Variants in LPIN1 observed in about 807,000 individuals in gnomAD.
LPIN1 encodes the protein lipin 1.
Under a neutral mutation model 107.5 loss-of-function variants are expected in LPIN1, and 71 were observed. That is an observed-to-expected ratio of 0.66 (90% CI 0.55 to 0.80). The LOEUF (loss-of-function observed/expected upper bound fraction) is 0.80. LPIN1 is among the 30% of genes least tolerant of loss of function. The probability of loss-of-function intolerance (pLI) is 0.00; values close to 1 mark genes in which losing one functional copy is unlikely to be tolerated. For synonymous variants in LPIN1, 445 were observed against 452.6 expected, an observed-to-expected ratio of 0.98 and a Z score of 0.21; for missense variants, 1,043 against 1,160.6, an observed-to-expected ratio of 0.90 and a Z score of 1.47.
At chr2:11,760,829 C>A (rs1001897591) in intron 1 of LPIN1, among the ~76,000 whole-genome samples, 68 of 152,276 alleles carry the variant, frequency 4.5e-4, no homozygotes, top group African/African-American at 1.6e-3. Flanking sequence ...GTTGGGGCCT[C>A]ACTGCTGGGG....
At chr2:11,757,819 T>G (rs1668910986) in intron 1 of LPIN1, among the ~76,000 whole-genome samples, 1 of 152,114 alleles carries the variant, frequency 6.6e-6, no homozygotes, top group African/African-American at 2.4e-5. Flanking sequence ...AAAAAGTTAA[T>G]TGTGATAAAA....
intron 1 of LPIN1, among the ~76,000 whole-genome samples, chr2:11,732,617 G>GAA (rs1665350627): frequency 6.6e-6 from 1 of 152,224 alleles, no homozygotes; most frequent in Non-Finnish European, 1.5e-5. Flanking sequence ...ATTAATAAAT[G>GAA]TAAGCTCCTT....
Position 11,788,188 on chromosome 2 carries a change from T to C in LPIN1, c.1644-199T>C, listed in dbSNP as rs59241852. On this transcript the variant is annotated intron_variant, in intron 11 of 20. Coordinates refer to ENST00000674199, the MANE Select transcript of LPIN1 (RefSeq NM_001349206.2). The stretch of plus-strand genomic sequence containing the variant: ...TGCTGGCACGGCTGCTGCTGGGCCC[T>C]CAACTGGCCGCTGGGGTGAGGTGGG... 0.019 allele frequency among the ~76,000 whole-genome samples: 2,852 copies of C among 152,076 alleles called. 34 individuals are homozygous for C. The highest frequency in any genetic ancestry group is 0.03 in the African/African-American group (1,225 of 41,496).
At chr2:11,721,405 G>C (rs1664136906), upstream of LPIN1, among the ~76,000 whole-genome samples, 1 of 151,758 alleles carries the variant, frequency 6.6e-6, no homozygotes, top group Non-Finnish European at 1.5e-5. Flanking sequence ...GTGGTCCTCT[G>C]TTTCCCATTG....
intron 8 of LPIN1, 55 bp from the exon 9 acceptor site, chr2:11,783,774 C>T: frequency 7.1e-7 from 1 of 1,403,258 alleles, no homozygotes; most frequent in Non-Finnish European, 1.0e-6. Context: ...GATACAAGGC[C>T]ATGAGCTCAT....
rs1018652917 is a variant in LPIN1, at chr2:11,826,996, A to T, written c.*2205A>T. ...ATTTGTATATGGGCTGCACTCACGC[A>T]TATACGAGTTGGTTTATCTTTGTGT... On this transcript the variant is annotated 3_prime_UTR_variant, in exon 21 of 21. Transcript: ENST00000674199. 6.6e-6 allele frequency: 1 copy of T among 152,668 alleles called. No individual in the cohort carries two copies. The highest frequency in any genetic ancestry group is 1.9e-4 in the East Asian group (1 of 5,200). The allele number at this position is 152,668 out of a possible 1,614,324, so 9.5% of individuals were successfully genotyped here.
chr2:11,695,843 T>A (rs1470590523), intron 1 of LPIN1, among the ~76,000 whole-genome samples: 2 of 152,080 alleles, frequency 1.3e-5, no homozygotes, highest in African/African-American at 2.4e-5. Flanking sequence ...TTTGGGTTGG[T>A]CTGTTGGGAC....
intron 17 of LPIN1, 112 bp downstream of exon 17, chr2:11,805,268 A>C (rs1572937550): frequency 3.5e-6 from 3 of 860,874 alleles, no homozygotes; most frequent in East Asian, 5.1e-5. Flanking sequence ...AGAGGGCTGC[A>C]CCTCAACCAG....
At chr2:11,741,321 T>A in intron 1 of LPIN1, 1 of 1,486,466 alleles carries the variant, frequency 6.7e-7, no homozygotes, top group East Asian at 2.5e-5. Flanking sequence ...AAAAAGAACA[T>A]TTTGTGAATG....
chr2:11,716,885 G>A (rs752462913), intron 2 of LPIN1, among the ~76,000 whole-genome samples: 1 of 152,178 alleles, frequency 6.6e-6, no homozygotes, highest in East Asian at 1.9e-4. Flanking sequence ...CACCATTCAC[G>A]TTGTGCCTCC....
chr2:11,736,615 T>C (rs776986745), intron 1 of LPIN1, among the ~76,000 whole-genome samples: 22 of 152,254 alleles, frequency 1.4e-4, no homozygotes, highest in Non-Finnish European at 2.9e-4. Context: ...CAGTTGAAGC[T>C]AAAAAGCAAT....
intron 1 of LPIN1, among the ~76,000 whole-genome samples, chr2:11,686,700 G>A (rs946235445): frequency 5.3e-5 from 8 of 152,144 alleles, no homozygotes; most frequent in African/African-American, 1.9e-4. Context: ...GCTGTGTTCC[G>A]AGGGGGTCTG....
At position 11,786,920 on chromosome 2, in the gene LPIN1, C is replaced by T. The variant is rs778546090; in HGVS notation, c.1550-154C>T. Reference sequence around the variant, plus strand: ...ACGCCGCCTTCCAGGTAAAATGGTGCGGCCTTTACAAATACATTTTATAGG... The same window carrying T: ...ACGCCGCCTTCCAGGTAAAATGGTGTGGCCTTTACAAATACATTTTATAGG... On this transcript the variant is annotated intron_variant, in intron 10 of 20. Coordinates refer to ENST00000674199, the MANE Select transcript of LPIN1 (RefSeq NM_001349206.2). The surrounding 1 kb of genome is among the most constrained non-coding windows in gnomAD (Gnocchi z 4.1). 626 of 675,686 alleles carry T rather than the reference C, an allele frequency of 9.3e-4. 2 individuals are homozygous for T. Among genetic ancestry groups the T allele is most frequent in the Non-Finnish European group, 1.4e-3 (516 of 369,870 alleles). 41.9% of individuals were successfully genotyped at this position (675,686 alleles called of 1,614,324 possible). A position where few individuals can be genotyped will look rare whatever the true frequency, so the allele number is the denominator to read the frequency against.
chr2:11,730,870 G>C (rs906135979), intron 1 of LPIN1, among the ~76,000 whole-genome samples: 20 of 152,268 alleles, frequency 1.3e-4, no homozygotes, highest in African/African-American at 4.6e-4. Flanking sequence ...ACACCTTGGA[G>C]AGTGTCTTTC....
rs552334210 is a variant in LPIN1, at chr2:11,805,827, C to T, written c.2249+671C>T. ...ACTAGGAGAACTAAAGTGATTTATC[C>T]AAATTCTCATTGCTCTCGTCTGCCT... On this transcript the variant is annotated intron_variant, in intron 17 of 20. Transcript: ENST00000674199. Among the ~76,000 whole-genome samples, 5 of 152,284 alleles carry T rather than the reference C, an allele frequency of 3.3e-5. No homozygotes were observed. The East Asian group carries it at 9.7e-4, about 29-fold the overall frequency.
chr2:11,678,863 T>G (rs1004280929), intron 1 of LPIN1, among the ~76,000 whole-genome samples: 9 of 152,316 alleles, frequency 5.9e-5, no homozygotes, highest in Admixed American at 5.2e-4. Context: ...ACAACATCCC[T>G]CTACATGATG....
chr2:11,734,346 T>TGG (rs1665570565), intron 1 of LPIN1, among the ~76,000 whole-genome samples: 1 of 152,188 alleles, frequency 6.6e-6, no homozygotes, highest in South Asian at 2.1e-4. Flanking sequence ...GGATGAGGGA[T>TGG]GGATGATAGT....
At chr2:11,822,382 G>A (rs145887288) in intron 20 of LPIN1, among the ~76,000 whole-genome samples, 1,916 of 151,554 alleles carry the variant, frequency 0.013, 49 homozygotes, top group African/African-American at 0.044. Context: ...CCCAGGAGAC[G>A]GAGGTTGCAG....
At chr2:11,709,223 A>T (rs543082040) in intron 1 of LPIN1, among the ~76,000 whole-genome samples, 1 of 152,180 alleles carries the variant, frequency 6.6e-6, no homozygotes, top group Admixed American at 6.5e-5. Flanking sequence ...TTATCTCAAC[A>T]GAGGGTACCA....
Sources: allele counts gnomAD v4.1 joint callset (sites outside exome capture counted in the v4.1 genomes callset), GRCh38; gene constraint gnomAD v4.1.1; non-coding constraint Gnocchi (gnomAD v3.1); transcripts MANE v1.5; gene names NCBI Gene and HGNC (gene_info 2026-07-23, HGNC 2026-07-21).